The following MAP4K3 variants were observed in gnomAD, a reference collection of about 807,000 sequenced individuals.
MAP4K3 encodes mitogen-activated protein kinase kinase kinase kinase 3.
Under a neutral mutation model 143.5 loss-of-function variants are expected in MAP4K3, and 94 were observed. The observed-to-expected ratio is 0.65, with a 90% confidence interval of 0.55 to 0.78. MAP4K3 has a LOEUF of 0.78. MAP4K3 is among the 30% of genes least tolerant of loss of function. The pLI, the probability that MAP4K3 is intolerant of heterozygous loss-of-function variation, is 0.00. For synonymous variants in MAP4K3, 416 were observed against 347.2 expected (o/e 1.20, Z -2.20); for missense variants, 1,077 against 1,068.1 (o/e 1.01, Z -0.12).
chr2:39,268,846 G>C (rs1425278251), intron 26 of MAP4K3, among the ~76,000 whole-genome samples: 1 of 151,798 alleles, frequency 6.6e-6, no homozygotes, highest in Non-Finnish European at 1.5e-5. Context: ...CGACATGTTG[G>C]CCAGGTTGGT....
rs150664784 is a variant in MAP4K3, at chr2:39,347,297, A to G, written c.246-3845T>C. 6.4e-4 allele frequency among the ~76,000 whole-genome samples: 97 copies of G among 152,342 alleles called. 2 individuals are homozygous for G. In the East Asian group the frequency reaches 0.017, roughly 27 times the overall value. On this transcript the variant is annotated intron_variant, in intron 3 of 33. Coordinates refer to ENST00000263881, the MANE Select transcript of MAP4K3 (RefSeq NM_003618.4). ...CTCTTGCGGTACTCAGCAATTTTTA[A>G]GAGTATAAAATAAAGGGGTTCTATT...
At chr2:39,256,741 T>C (rs1336402617) in intron 31 of MAP4K3, among the ~76,000 whole-genome samples, 1 of 152,230 alleles carries the variant, frequency 6.6e-6, no homozygotes, top group Non-Finnish European at 1.5e-5. Context: ...TCAGAATTCC[T>C]TGTCTGTAGT....
chr2:39,334,419 C>G (rs1034000817), intron 6 of MAP4K3, among the ~76,000 whole-genome samples: 2 of 145,834 alleles, frequency 1.4e-5, no homozygotes, highest in African/African-American at 4.9e-5. Context: ...CAGTAAAAGA[C>G]TGGCACAGGA....
chr2:39,354,519 G>A (rs982064367), intron 3 of MAP4K3, among the ~76,000 whole-genome samples: 4 of 151,854 alleles, frequency 2.6e-5, no homozygotes, highest in African/African-American at 7.3e-5. Context: ...TTGGGAAGCT[G>A]AGGCAGGAGA....
chr2:39,416,011 A>ATATATATAT (rs1667370062), intron 1 of MAP4K3, among the ~76,000 whole-genome samples: 1 of 119,410 alleles, frequency 8.4e-6, no homozygotes, highest in African/African-American at 3.3e-5. Context: ...ATATAAAAAT[A>ATATATATAT]ACATTTGGAA....
chr2:39,355,096 G>C (rs1366819419), intron 3 of MAP4K3, among the ~76,000 whole-genome samples: 1 of 152,156 alleles, frequency 6.6e-6, no homozygotes, highest in Non-Finnish European at 1.5e-5. Flanking sequence ...CAGGTGCGGA[G>C]GCTCACGCCT....
At chr2:39,255,350 C>T (rs909234506) in intron 31 of MAP4K3, among the ~76,000 whole-genome samples, 1 of 152,042 alleles carries the variant, frequency 6.6e-6, no homozygotes, top group Non-Finnish European at 1.5e-5. Context: ...TTTAGTTTTG[C>T]TTTTTATATT....
At chr2:39,254,346 T>C in intron 32 of MAP4K3, 104 bp downstream of exon 32, 2 of 882,326 alleles carry the variant, frequency 2.3e-6, no homozygotes, top group East Asian at 2.5e-5. Flanking sequence ...TAAGTATTAA[T>C]AAAGTTAGCC....
At chr2:39,293,431 CAA>C (rs1490397443) in intron 16 of MAP4K3, among the ~76,000 whole-genome samples, 163 bp from the exon 17 acceptor site, 2 of 152,086 alleles carry the variant, frequency 1.3e-5, no homozygotes, top group Admixed American at 6.5e-5. Flanking sequence ...CATAAAACAT[CAA>C]GTTATATTTA....
At chr2:39,385,661 C>T (rs1666485205) in intron 1 of MAP4K3, among the ~76,000 whole-genome samples, 1 of 145,064 alleles carries the variant, frequency 6.9e-6, no homozygotes, top group Non-Finnish European at 1.5e-5. Flanking sequence ...CGAAGTTTCA[C>T]TCTTATCGCC....
In MAP4K3 at chr2:39,292,761, G is replaced by C; in HGVS notation, c.1271+12C>G. 1 of 1,609,622 alleles carries C rather than the reference G, an allele frequency of 6.2e-7. No individual in the cohort carries two copies. Among genetic ancestry groups the C allele is most frequent in the Non-Finnish European group, 8.5e-7 (1 of 1,176,224 alleles). On this transcript the variant is annotated intron_variant, in intron 18 of 33. Transcript: ENST00000263881. ...ACCTTTTCTTTTTACCAAAAACAGA[G>C]ACAGAACTTACTGTTTAGATTCATC... is the stretch of plus-strand genomic sequence containing the variant.
At chr2:39,268,869 A>C (rs1680892713) in intron 26 of MAP4K3, among the ~76,000 whole-genome samples, 1 of 151,964 alleles carries the variant, frequency 6.6e-6, no homozygotes, top group Admixed American at 6.6e-5. Flanking sequence ...CGAACTCCTG[A>C]CCTCAATTGA....
intron 12 of MAP4K3, among the ~76,000 whole-genome samples, chr2:39,319,839 G>C (rs1244889502): frequency 6.6e-6 from 1 of 152,066 alleles, no homozygotes; most frequent in Non-Finnish European, 1.5e-5. Context: ...TGAATCTTAA[G>C]GCTAAAGACC....
chr2:39,287,020 G>C (rs140048852), intron 20 of MAP4K3, 56 bp from the exon 21 acceptor site: 67 of 1,120,586 alleles, frequency 6.0e-5, no homozygotes, highest in African/African-American at 1.1e-4. Flanking sequence ...CTTTTATTCA[G>C]AAAGTTATCA....
In MAP4K3 at chr2:39,254,503, C is replaced by T. The variant is rs1294678046; in HGVS notation, c.2488G>A (p.Val830Met). ...IESIVCLQDS[V>M]LAFWKHGMQG... is the part of the protein sequence containing the mutation. The stretch of plus-strand genomic sequence containing the variant: ...ATTCCATGTTTCCAGAAAGCTAGCA[C>T]ACTGTCTTGTAGGCACACTAGCAGG... The change falls in exon 32 of 34, where the codon GTG becomes ATG. Residue 830 changes from valine to methionine, a missense_variant. Transcript: ENST00000263881. 6.2e-7 allele frequency: 1 copy of T among 1,613,794 alleles called. No homozygotes were observed. The highest frequency in any genetic ancestry group is 8.5e-7 in the Non-Finnish European group (1 of 1,179,828).
intron 26 of MAP4K3, among the ~76,000 whole-genome samples, chr2:39,269,651 G>C (rs2148451772): frequency 6.6e-6 from 1 of 152,024 alleles, no homozygotes; most frequent in East Asian, 1.9e-4. Flanking sequence ...TATTCAGAGT[G>C]TGCAAGGTAA....
At chr2:39,391,381 A>AAG in intron 1 of MAP4K3, among the ~76,000 whole-genome samples, 1 of 137,978 alleles carries the variant, frequency 7.2e-6, no homozygotes, top group African/African-American at 2.6e-5. Flanking sequence ...AAAAAAAAAA[A>AAG]GAAAGAAAGA....
At chr2:39,371,491 C>T (rs180674587) in intron 2 of MAP4K3, among the ~76,000 whole-genome samples, 17 of 151,984 alleles carry the variant, frequency 1.1e-4, no homozygotes, top group African/African-American at 4.1e-4. Flanking sequence ...GTTGAATTTC[C>T]CTAATTCAAA....
chr2:39,436,045 C>A (rs1407579011), intron 1 of MAP4K3, among the ~76,000 whole-genome samples: 5 of 152,210 alleles, frequency 3.3e-5, no homozygotes, highest in African/African-American at 9.6e-5. Context: ...AGATACACAA[C>A]TAAATCAAGA....
Sources: allele counts gnomAD v4.1 joint callset (sites outside exome capture counted in the v4.1 genomes callset), GRCh38; gene constraint gnomAD v4.1.1; transcripts MANE v1.5; gene names NCBI Gene and HGNC (gene_info 2026-07-23, HGNC 2026-07-21).